PPP3CC: variants seen among roughly 807,000 people sequenced by gnomAD.
PPP3CC encodes the protein protein phosphatase 3 catalytic subunit gamma, also known as serine/threonine-protein phosphatase 2B catalytic subunit gamma isoform.
PPP3CC carries 35 observed loss-of-function variants against 60.3 expected under a neutral mutation model. The observed-to-expected ratio is 0.58, with a 90% confidence interval of 0.44 to 0.77. The LOEUF is 0.77. Among genes scored for constraint, PPP3CC ranks in the 30% least tolerant of loss-of-function variants. The probability of loss-of-function intolerance (pLI) is 0.00; values close to 1 mark genes in which losing one functional copy is unlikely to be tolerated. For synonymous variants in PPP3CC, 206 were observed against 224.3 expected (o/e 0.92, Z 0.73); for missense variants, 570 against 628.9 (o/e 0.91, Z 1.00).
chr8:22,496,793 G>A (rs543710810), intron 3 of PPP3CC, among the ~76,000 whole-genome samples: 5 of 151,974 alleles, frequency 3.3e-5, no homozygotes, highest in Non-Finnish European at 5.9e-5. Flanking sequence ...CATTGTGCCC[G>A]GCTGAGAACT....
intron 3 of PPP3CC, among the ~76,000 whole-genome samples, chr8:22,496,385 T>C (rs933975514): frequency 3.3e-5 from 5 of 151,866 alleles, no homozygotes; most frequent in African/African-American, 1.2e-4. Context: ...CATTTTTCCA[T>C]GTTAATTTTA....
At chr8:22,448,935 C>T (rs537765875) in intron 1 of PPP3CC, among the ~76,000 whole-genome samples, 1 of 152,220 alleles carries the variant, frequency 6.6e-6, no homozygotes, top group South Asian at 2.1e-4. Flanking sequence ...AAATAGATTT[C>T]AGTTTTTCAA....
At chr8:22,529,724 G>A (rs1019359038) in intron 10 of PPP3CC, among the ~76,000 whole-genome samples, 1 of 152,058 alleles carries the variant, frequency 6.6e-6, no homozygotes, top group African/African-American at 2.4e-5. Context: ...GCTCAAAGTG[G>A]TCTGCCTGCC....
At chr8:22,515,143 G>C (rs981986005) in intron 6 of PPP3CC, among the ~76,000 whole-genome samples, 1 of 151,686 alleles carries the variant, frequency 6.6e-6, no homozygotes, top group Non-Finnish European at 1.5e-5. Flanking sequence ...CCAGCCTCTG[G>C]TAACCATCAT....
intron 4 of PPP3CC, among the ~76,000 whole-genome samples, chr8:22,505,761 C>T (rs1432283461): frequency 6.6e-6 from 1 of 152,108 alleles, no homozygotes; most frequent in Non-Finnish European, 1.5e-5. Context: ...CTGAATCGGA[C>T]AAAAAGTAGT....
chr8:22,468,588 A>T (rs1048184265), intron 1 of PPP3CC, among the ~76,000 whole-genome samples: 6 of 151,984 alleles, frequency 3.9e-5, no homozygotes, highest in Admixed American at 1.3e-4. Flanking sequence ...TACAGCTTCT[A>T]ATAGGCATCT....
At chr8:22,478,525 A>G (rs1358233338) in intron 3 of PPP3CC, among the ~76,000 whole-genome samples, 1 of 152,226 alleles carries the variant, frequency 6.6e-6, no homozygotes, top group African/African-American at 2.4e-5. Context: ...AATAGCTTTA[A>G]AATAGTTTTA....
intron 1 of PPP3CC, among the ~76,000 whole-genome samples, chr8:22,469,476 A>G (rs531293916): frequency 1.3e-5 from 2 of 152,256 alleles, no homozygotes; most frequent in East Asian, 3.9e-4. Flanking sequence ...GGTGATGAAC[A>G]TCCTGAAGAC....
At chr8:22,515,021 A>G (rs751405930) in intron 6 of PPP3CC, among the ~76,000 whole-genome samples, 1 of 152,118 alleles carries the variant, frequency 6.6e-6, no homozygotes, top group Non-Finnish European at 1.5e-5. Flanking sequence ...ATTATTCACT[A>G]TAGTCACCCT....
chr8:22,524,717 T>TTTATCAGTGTGC (rs1324374866), intron 8 of PPP3CC, among the ~76,000 whole-genome samples: 2 of 152,240 alleles, frequency 1.3e-5, no homozygotes, highest in Non-Finnish European at 2.9e-5. Context: ...TATTGATTGC[T>TTTATCAGTGTGC]CAATGGATTT....
chr8:22,540,156 G>A (rs1389088949), intron 13 of PPP3CC, among the ~76,000 whole-genome samples: 2 of 152,172 alleles, frequency 1.3e-5, no homozygotes, highest in Non-Finnish European at 2.9e-5. Flanking sequence ...TGTCCTAAAC[G>A]AAAAGATTAG....
chr8:22,504,862 G>A (rs911670173), intron 4 of PPP3CC, among the ~76,000 whole-genome samples: 1 of 151,636 alleles, frequency 6.6e-6, no homozygotes, highest in African/African-American at 2.4e-5. Flanking sequence ...CTACAGGCAC[G>A]AGCTCTCATG....
intron 3 of PPP3CC, chr8:22,492,940 ACTGT>A (rs751195654): frequency 1.9e-4 from 241 of 1,252,532 alleles, no homozygotes; most frequent in Middle Eastern, 9.5e-4. Flanking sequence ...CTTGGTGCAC[ACTGT>A]CTGACTAGTT....
At chr8:22,445,001 A>G (rs532372403) in intron 1 of PPP3CC, among the ~76,000 whole-genome samples, 6 of 152,226 alleles carry the variant, frequency 3.9e-5, no homozygotes, top group Non-Finnish European at 8.8e-5. Context: ...TGACAAATAT[A>G]GAGAATCCAT....
chr8:22,535,979 G>A (rs1487111473), intron 12 of PPP3CC, among the ~76,000 whole-genome samples: 12 of 152,132 alleles, frequency 7.9e-5, no homozygotes, highest in Non-Finnish European at 1.2e-4. Flanking sequence ...CAATATGCCC[G>A]CCTCAGCCTC....
intron 6 of PPP3CC, among the ~76,000 whole-genome samples, chr8:22,515,136 G>T (rs781140993): frequency 1.3e-5 from 2 of 151,750 alleles, no homozygotes; most frequent in Non-Finnish European, 2.9e-5. Flanking sequence ...ACCCTTCCCA[G>T]CCTCTGGTAA....
chr8:22,463,533 C>T (rs1010776394), intron 1 of PPP3CC, among the ~76,000 whole-genome samples: 1 of 152,084 alleles, frequency 6.6e-6, no homozygotes, highest in African/African-American at 2.4e-5. Context: ...TTATATTAAC[C>T]AGCATTATCA....
intron 6 of PPP3CC, among the ~76,000 whole-genome samples, chr8:22,516,008 A>G (rs1003564007): frequency 2.0e-5 from 3 of 152,000 alleles, no homozygotes; most frequent in Non-Finnish European, 2.9e-5. Flanking sequence ...GCACCATAAC[A>G]GCTCACTACA....
chr8:22,452,214 C>T (rs1464410112), intron 1 of PPP3CC, among the ~76,000 whole-genome samples: 1 of 151,808 alleles, frequency 6.6e-6, no homozygotes, highest in Non-Finnish European at 1.5e-5. Flanking sequence ...ATTTTTATTA[C>T]TTTTTTGTAG....
Sources: gnomAD v4.1 joint callset for allele counts (sites outside exome capture counted in the v4.1 genomes callset) on GRCh38, gnomAD v4.1.1 for gene constraint, MANE v1.5 for transcripts, NCBI Gene and HGNC (gene_info 2026-07-23, HGNC 2026-07-21) for gene names.